The following BNC2 variants were observed in gnomAD, a reference collection of about 807,000 sequenced individuals.
The protein encoded by BNC2 is zinc finger protein basonuclin-2.
A neutral mutation model predicts 76.3 loss-of-function variants in BNC2; 20 were observed. The observed-to-expected ratio is 0.26, with a 90% CI of 0.18 to 0.38. The LOEUF is 0.38. BNC2 is among the 10% of genes least tolerant of loss of function. The pLI is 1.00. For synonymous variants in BNC2, 582 were observed against 514.8 expected, an observed-to-expected ratio of 1.13 and a Z score of -1.77; for missense variants, 1,382 against 1,399.8, an observed-to-expected ratio of 0.99 and a Z score of 0.20.
At chr9:16,809,306 C>G (rs545931204) in intron 1 of BNC2, among the ~76,000 whole-genome samples, 1 of 151,888 alleles carries the variant, frequency 6.6e-6, no homozygotes, top group African/African-American at 2.4e-5. Context: ...TGTTATCACT[C>G]AACACATTAG....
chr9:16,412,923 T>C lies in BNC2; in HGVS notation c.*6066A>G, dbSNP rs1586999963. On this transcript the variant is annotated 3_prime_UTR_variant, in exon 7 of 7. Transcript: ENST00000380672. ...AACTGGAAAGCACACTATTAGTTTGTGTCCCTTCAGGGCCAGGGCAATAAG... is the reference window on the plus strand; with the variant it reads ...AACTGGAAAGCACACTATTAGTTTGCGTCCCTTCAGGGCCAGGGCAATAAG... 1 of 152,686 alleles carries C rather than the reference T, an allele frequency of 6.5e-6. No individual in the cohort carries two copies. Among genetic ancestry groups the C allele is most frequent in the East Asian group, 1.9e-4 (1 of 5,206 alleles). The allele number at this position is 152,686 out of a possible 1,614,324, so 9.5% of individuals were successfully genotyped here. A position where few individuals can be genotyped will look rare whatever the true frequency, so the allele number is the denominator to read the frequency against.
At chr9:16,720,126 C>A (rs1824107620) in intron 3 of BNC2, among the ~76,000 whole-genome samples, 1 of 152,194 alleles carries the variant, frequency 6.6e-6, no homozygotes, top group Non-Finnish European at 1.5e-5. Context: ...CTCAAAGAAC[C>A]CTTCTACAGC....
chr9:16,819,856 G>C (rs1310818918), intron 1 of BNC2, among the ~76,000 whole-genome samples: 1 of 151,780 alleles, frequency 6.6e-6, no homozygotes, highest in African/African-American at 2.4e-5. Flanking sequence ...CAGGTGTAGT[G>C]GCTCATGCCT....
intron 4 of BNC2, among the ~76,000 whole-genome samples, chr9:16,568,466 T>G (rs1041203220): frequency 1.3e-5 from 2 of 152,122 alleles, no homozygotes; most frequent in African/African-American, 4.8e-5. Flanking sequence ...ATACCACACT[T>G]CATAATAAGC....
chr9:16,863,166 G>C (rs1389913025), intron 1 of BNC2, among the ~76,000 whole-genome samples: 2 of 152,018 alleles, frequency 1.3e-5, no homozygotes, highest in African/African-American at 4.8e-5. Context: ...ACCCACCTGA[G>C]CCTCCCAAAG....
chr9:16,693,821 T>C (rs1470416939), intron 3 of BNC2, among the ~76,000 whole-genome samples: 2 of 152,206 alleles, frequency 1.3e-5, no homozygotes, highest in East Asian at 3.8e-4. Context: ...ACTCCACATC[T>C]GCTGCAAACA....
intron 1 of BNC2, among the ~76,000 whole-genome samples, chr9:16,798,586 A>T (rs950911523): frequency 1.3e-5 from 2 of 152,190 alleles, no homozygotes; most frequent in African/African-American, 4.8e-5. Context: ...GTAGTATCTT[A>T]TGATTTAAAG....
At chr9:16,524,330 G>A (rs1303941221) in intron 5 of BNC2, among the ~76,000 whole-genome samples, 4 of 152,112 alleles carry the variant, frequency 2.6e-5, no homozygotes, top group Admixed American at 1.3e-4. Context: ...TCTCTCATTT[G>A]CCTAGGTCGT....
At chr9:16,668,931 T>C (rs570118984) in intron 3 of BNC2, among the ~76,000 whole-genome samples, 1 of 152,174 alleles carries the variant, frequency 6.6e-6, no homozygotes, top group Non-Finnish European at 1.5e-5. Flanking sequence ...GAGATGACAA[T>C]GGATCAATCT....
At chr9:16,529,109 C>T (rs903191779) in intron 5 of BNC2, among the ~76,000 whole-genome samples, 4 of 152,146 alleles carry the variant, frequency 2.6e-5, no homozygotes, top group Non-Finnish European at 5.9e-5. Context: ...ATATCTTACA[C>T]GGATACACAG....
At chr9:16,634,256 G>C (rs1037939213) in intron 3 of BNC2, among the ~76,000 whole-genome samples, 1 of 152,006 alleles carries the variant, frequency 6.6e-6, no homozygotes, top group Non-Finnish European at 1.5e-5. Flanking sequence ...TCAATATACT[G>C]TATCTATTCC....
intron 1 of BNC2, among the ~76,000 whole-genome samples, chr9:16,860,610 G>A (rs1038805573): frequency 1.3e-5 from 2 of 152,040 alleles, no homozygotes; most frequent in African/African-American, 2.4e-5. Context: ...AAAACACAGA[G>A]GTAAATCTTC....
intron 3 of BNC2, among the ~76,000 whole-genome samples, chr9:16,660,642 G>C (rs1382718156): frequency 1.3e-5 from 2 of 152,008 alleles, no homozygotes; most frequent in Non-Finnish European, 2.9e-5. Context: ...GAAAAACTAA[G>C]TTTCCACAGA....
At chr9:16,736,977 T>A (rs977698873) in intron 2 of BNC2, among the ~76,000 whole-genome samples, 11 of 151,396 alleles carry the variant, frequency 7.3e-5, no homozygotes, top group African/African-American at 2.4e-4. Flanking sequence ...CGGCTAATTT[T>A]GTATTTTTAG....
At chr9:16,580,675 C>G (rs777094144) in intron 4 of BNC2, among the ~76,000 whole-genome samples, 1 of 152,132 alleles carries the variant, frequency 6.6e-6, no homozygotes, top group African/African-American at 2.4e-5. Flanking sequence ...CTTTTATACT[C>G]CAAGGCTACC....
intron 3 of BNC2, among the ~76,000 whole-genome samples, chr9:16,602,462 T>C (rs571805428): frequency 6.6e-6 from 1 of 152,218 alleles, no homozygotes; most frequent in Admixed American, 6.5e-5. Context: ...GATGACAGCA[T>C]AAAAATGATA....
At chr9:16,691,310 C>T (rs1027495782) in intron 3 of BNC2, among the ~76,000 whole-genome samples, 5 of 152,154 alleles carry the variant, frequency 3.3e-5, no homozygotes, top group African/African-American at 9.7e-5. Flanking sequence ...TCTCCCTCTA[C>T]ATTTGATAAA....
intron 5 of BNC2, among the ~76,000 whole-genome samples, chr9:16,479,518 C>T (rs924982134): frequency 2.0e-5 from 3 of 152,106 alleles, no homozygotes; most frequent in Non-Finnish European, 4.4e-5. Context: ...TTCAAATACA[C>T]AGAAAAGTCG....
intron 5 of BNC2, among the ~76,000 whole-genome samples, chr9:16,448,048 G>A (rs541948570): frequency 6.6e-6 from 1 of 152,084 alleles, no homozygotes; most frequent in Non-Finnish European, 1.5e-5. Context: ...GACAGTCCCT[G>A]CAGCGGCCTT....
Sources: allele counts gnomAD v4.1 joint callset (sites outside exome capture counted in the v4.1 genomes callset), GRCh38; gene constraint gnomAD v4.1.1; transcripts MANE v1.5; gene names NCBI Gene and HGNC (gene_info 2026-07-23, HGNC 2026-07-21).